RABL3: variants seen among roughly 807,000 people sequenced by gnomAD.
RABL3 encodes rab-like protein 3.
RABL3 carries 31 observed loss-of-function variants against 31.8 expected under a neutral mutation model. The ratio of observed to expected loss-of-function variants is 0.97; its 90% CI spans 0.73 to 1.31. The LOEUF (loss-of-function observed/expected upper bound fraction) is 1.31, where lower values mean the gene tolerates loss of function less well. RABL3 is among the 40% of genes most tolerant of loss of function. The pLI is 0.00. For synonymous variants in RABL3, 97 were observed against 99.9 expected, an observed-to-expected ratio of 0.97 and a Z score of 0.18; for missense variants, 263 against 279.6, an observed-to-expected ratio of 0.94 and a Z score of 0.42.
intron 2 of RABL3, among the ~76,000 whole-genome samples, chr3:120,724,531 C>A (rs777399970): frequency 8.2e-4 from 125 of 152,320 alleles, no homozygotes; most frequent in African/African-American, 2.8e-3. Flanking sequence ...GGAGGCATCA[C>A]GCTACCTGAC....
intron 1 of RABL3, among the ~76,000 whole-genome samples, chr3:120,734,392 T>A (rs886619452): frequency 1.3e-5 from 2 of 152,212 alleles, no homozygotes; most frequent in Admixed American, 1.3e-4. Context: ...CACATTGATT[T>A]TGTATCCTGA....
chr3:120,708,530 CAGAT>C (rs1177188409), intron 3 of RABL3, among the ~76,000 whole-genome samples: 1 of 151,926 alleles, frequency 6.6e-6, no homozygotes, highest in Admixed American at 6.6e-5. Context: ...TGTGCCAGAT[CAGAT>C]AGATATCTTA....
rs1026980645 is a variant in RABL3, at chr3:120,688,302, C to T, written c.*1521G>A. The stretch of plus-strand genomic sequence containing the variant: ...ACATACTTGTGACCAATTCTACATA[C>T]AGATCATGATTTGCATAGCTTTCCT... On this transcript the variant is annotated 3_prime_UTR_variant, in exon 8 of 8. Coordinates refer to ENST00000273375, the MANE Select transcript of RABL3 (RefSeq NM_173825.5). 1 of 152,552 alleles carries T rather than the reference C, an allele frequency of 6.6e-6. No homozygotes were observed. Among genetic ancestry groups the T allele is most frequent in the Non-Finnish European group, 1.5e-5 (1 of 68,038 alleles). 9.4% of individuals were successfully genotyped at this position (152,552 alleles called of 1,614,324 possible). A position where few individuals can be genotyped will look rare whatever the true frequency, so the allele number is the denominator to read the frequency against.
At chr3:120,708,026 G>A (rs1336557104) in intron 3 of RABL3, among the ~76,000 whole-genome samples, 1 of 152,122 alleles carries the variant, frequency 6.6e-6, no homozygotes, top group East Asian at 1.9e-4. Context: ...GAAGAATGTA[G>A]GGTATTAAGG....
At chr3:120,727,748 C>A (rs1010822812) in intron 2 of RABL3, among the ~76,000 whole-genome samples, 6 of 151,944 alleles carry the variant, frequency 3.9e-5, no homozygotes, top group African/African-American at 1.5e-4. Context: ...CAGCACAAGA[C>A]CAAGTTAGAG....
chr3:120,734,849 T>C (rs917047771), intron 1 of RABL3, among the ~76,000 whole-genome samples: 2 of 152,244 alleles, frequency 1.3e-5, no homozygotes, highest in African/African-American at 2.4e-5. Context: ...ATTATATTTA[T>C]TGATTTGCAC....
intron 4 of RABL3, among the ~76,000 whole-genome samples, chr3:120,701,720 C>CTATATTTAGTA (rs1348679557): frequency 6.6e-6 from 1 of 152,092 alleles, no homozygotes; most frequent in Non-Finnish European, 1.5e-5. Context: ...CAAACTTATA[C>CTATATTTAGTA]TATATTTAGG....
intron 1 of RABL3, among the ~76,000 whole-genome samples, chr3:120,740,509 G>T (rs73183711): frequency 1.3e-5 from 2 of 152,076 alleles, no homozygotes. Flanking sequence ...CAATCCACCC[G>T]CCTCAACCTC....
At chr3:120,713,632 T>TC (rs1708635560) in intron 2 of RABL3, among the ~76,000 whole-genome samples, 1 of 152,084 alleles carries the variant, frequency 6.6e-6, no homozygotes, top group Admixed American at 6.5e-5. Context: ...TTCTTAACAA[T>TC]AAAGGAAGCA....
chr3:120,724,845 C>T (rs1324213591), intron 2 of RABL3, among the ~76,000 whole-genome samples: 1 of 151,946 alleles, frequency 6.6e-6, no homozygotes. Flanking sequence ...ACCATAAAAA[C>T]CCTAGAAGAA....
intron 1 of RABL3, among the ~76,000 whole-genome samples, chr3:120,731,190 A>C (rs1346918321): frequency 1.3e-5 from 2 of 152,218 alleles, no homozygotes; most frequent in Non-Finnish European, 1.5e-5. Context: ...AATTTAGCCT[A>C]TTTTAGAGTT....
chr3:120,729,340 G>C (rs1708856835), intron 2 of RABL3, among the ~76,000 whole-genome samples: 1 of 152,010 alleles, frequency 6.6e-6, no homozygotes, highest in Non-Finnish European at 1.5e-5. Flanking sequence ...CGCTGTATAG[G>C]GATACTTTCA....
intron 5 of RABL3, among the ~76,000 whole-genome samples, chr3:120,694,527 A>G (rs564943766): frequency 7.2e-5 from 11 of 152,258 alleles, no homozygotes; most frequent in Non-Finnish European, 1.2e-4. Flanking sequence ...AAACCAAGGT[A>G]CTACTGGAGT....
chr3:120,730,863 T>C (rs1708874942), intron 1 of RABL3, 76 bp from the exon 2 acceptor site: 1 of 884,830 alleles, frequency 1.1e-6, no homozygotes, highest in East Asian at 2.4e-5. Flanking sequence ...AGACTAATAC[T>C]ACACAGGAAT....
chr3:120,694,226 T>C lies in RABL3; in HGVS notation c.535-2A>G, dbSNP rs1340326236. ...TAAGTACCGTGGATTTGTGCAGTCC[T>C]AGAAGATAAAACATAAGATCCACAA... On this transcript the variant is annotated splice_acceptor_variant, in intron 5 of 7. Coordinates refer to ENST00000273375, the MANE Select transcript of RABL3 (RefSeq NM_173825.5). LOFTEE classifies it high-confidence loss of function. 6.2e-7 allele frequency: 1 copy of C among 1,602,746 alleles called. No individual in the cohort carries two copies. Among genetic ancestry groups the C allele is most frequent in the South Asian group, 1.1e-5 (1 of 89,758 alleles).
At chr3:120,715,514 G>T (rs143367283) in intron 2 of RABL3, among the ~76,000 whole-genome samples, 202 of 152,104 alleles carry the variant, frequency 1.3e-3, no homozygotes, top group African/African-American at 4.6e-3. Flanking sequence ...TCCAGCTTGG[G>T]CAACAGAATG....
At position 120,735,856 on chromosome 3, in the gene RABL3, T is replaced by C. The variant is rs910474133; in HGVS notation, c.47-5069A>G. On this transcript the variant is annotated intron_variant, in intron 1 of 7. Coordinates refer to ENST00000273375, the MANE Select transcript of RABL3 (RefSeq NM_173825.5). ...CAGTTTCCATGCAGTTGAGCGGTTT[T>C]GAGTGAGTTTCTCAATCCTGAGTTC... 5.9e-5 allele frequency among the ~76,000 whole-genome samples: 9 copies of C among 151,884 alleles called. No homozygotes were observed. The South Asian group carries it at 1.9e-3, about 32-fold the overall frequency.
intron 2 of RABL3, among the ~76,000 whole-genome samples, chr3:120,715,571 A>C (rs1410093841): frequency 4.6e-5 from 7 of 152,140 alleles, no homozygotes; most frequent in African/African-American, 2.4e-5. Context: ...AAAAAAAGAA[A>C]GAACGAAATG....
intron 2 of RABL3, among the ~76,000 whole-genome samples, chr3:120,728,712 C>G (rs968218028): frequency 1.3e-5 from 2 of 150,336 alleles, no homozygotes; most frequent in African/African-American, 4.9e-5. Flanking sequence ...TAATAATAAA[C>G]AAAAAAGAAA....
Sources: allele counts gnomAD v4.1 joint callset (sites outside exome capture counted in the v4.1 genomes callset), GRCh38; gene constraint gnomAD v4.1.1; transcripts MANE v1.5; gene names NCBI Gene and HGNC (gene_info 2026-07-23, HGNC 2026-07-21).